RASA3: variants seen among roughly 807,000 people sequenced by gnomAD.
RASA3 encodes ras GTPase-activating protein 3.
RASA3 carries 73 observed loss-of-function variants against 110.0 expected under a neutral mutation model. The ratio of observed to expected loss-of-function variants is 0.66; its 90% CI spans 0.55 to 0.81. The LOEUF is 0.81. Among genes scored for constraint, RASA3 ranks in the 30% least tolerant of loss-of-function variants. The pLI is 0.00. For synonymous variants in RASA3, 500 were observed against 451.4 expected (o/e 1.11, Z -1.37); for missense variants, 976 against 1,113.2 (o/e 0.88, Z 1.75).
chr13:114,002,229 C>T lies in RASA3; in HGVS notation c.1743-1297G>A, dbSNP rs78719765. Among the ~76,000 whole-genome samples the T allele has an allele frequency of 5.8e-3, 883 of 152,288 alleles. 1 individual carries two copies. Among genetic ancestry groups the T allele is most frequent in the African/African-American group, 0.017 (701 of 41,552 alleles). ...CACCTCGACAAGCGCACTCAGAAATCGGAAAGAGGGGCTTTGAGCAGCAAC... is the reference window on the plus strand; with the variant it reads ...CACCTCGACAAGCGCACTCAGAAATTGGAAAGAGGGGCTTTGAGCAGCAAC... On this transcript the variant is annotated intron_variant, in intron 18 of 23. Coordinates refer to ENST00000334062, the MANE Select transcript of RASA3 (RefSeq NM_007368.4).
chr13:113,991,483 G>A (rs770353022), intron 22 of RASA3, among the ~76,000 whole-genome samples: 9 of 152,192 alleles, frequency 5.9e-5, no homozygotes, highest in African/African-American at 2.2e-4. Flanking sequence ...GAGCAGATCC[G>A]AGTTCTACCA....
intron 5 of RASA3, 135 bp from the exon 6 acceptor site, chr13:114,028,062 C>T (rs372769058): frequency 1.5e-6 from 1 of 686,628 alleles, no homozygotes; most frequent in Non-Finnish European, 2.5e-6. Context: ...CAGGGAGGGC[C>T]ACACCAGCCA....
chr13:114,120,696 T>C (rs895706953), intron 1 of RASA3, among the ~76,000 whole-genome samples: 12 of 152,206 alleles, frequency 7.9e-5, no homozygotes, highest in South Asian at 2.1e-4. Context: ...AGAAACTCCG[T>C]GTGACCCTGC....
intron 3 of RASA3, among the ~76,000 whole-genome samples, chr13:114,047,733 G>A (rs1295960029): frequency 6.6e-6 from 1 of 152,212 alleles, no homozygotes; most frequent in African/African-American, 2.4e-5. Context: ...GCTCACAGCC[G>A]CACAGCGCGG....
chr13:113,994,525 G>A (rs193121473), intron 21 of RASA3, among the ~76,000 whole-genome samples: 108 of 150,798 alleles, frequency 7.2e-4, no homozygotes, highest in Non-Finnish European at 1.4e-3. Context: ...TGGCCAGTCA[G>A]GGAGTTCATG....
chr13:114,116,704 G>T (rs1002466499), intron 1 of RASA3, among the ~76,000 whole-genome samples: 1 of 152,256 alleles, frequency 6.6e-6, no homozygotes, highest in Non-Finnish European at 1.5e-5. Context: ...GAGCCTGCAG[G>T]TTTGGAGAAT....
intron 1 of RASA3, among the ~76,000 whole-genome samples, chr13:114,099,324 G>A (rs1257661790): frequency 1.3e-5 from 2 of 152,042 alleles, no homozygotes; most frequent in African/African-American, 2.4e-5. Context: ...CTCCCTGCAT[G>A]GGGACACGCG....
chr13:114,130,943 G>T (rs181600995), intron 1 of RASA3, among the ~76,000 whole-genome samples: 2 of 152,258 alleles, frequency 1.3e-5, no homozygotes, highest in African/African-American at 4.8e-5. Context: ...CCCACGGGCC[G>T]CGACCTTTCC....
chr13:114,015,389 G>C, intron 13 of RASA3, 57 bp from the exon 14 acceptor site: 1 of 1,597,578 alleles, frequency 6.3e-7, no homozygotes, highest in Non-Finnish European at 8.5e-7. Context: ...GGTGCGTGTA[G>C]CACCAGGGCA....
intron 20 of RASA3, among the ~76,000 whole-genome samples, chr13:113,997,885 T>C (rs1594292255): frequency 6.6e-6 from 1 of 152,152 alleles, no homozygotes; most frequent in South Asian, 2.1e-4. Flanking sequence ...CCTCCCGCCT[T>C]GCACCCGGCA....
rs74116485 is a variant in RASA3, at chr13:114,110,621, G to A, written c.55+21814C>T. Among the ~76,000 whole-genome samples, 623 of 152,294 alleles carry A rather than the reference G, an allele frequency of 4.1e-3. 6 individuals carry two copies. Among genetic ancestry groups the A allele is most frequent in the Middle Eastern group, 0.024 (7 of 294 alleles). ...CAAAGCACTTCCCTCCCAGAGCCCC[G>A]TTTCCTCATCAGCAACAAACACAAC... is the stretch of plus-strand genomic sequence containing the variant. On this transcript the variant is annotated intron_variant, in intron 1 of 23. Coordinates refer to ENST00000334062, the MANE Select transcript of RASA3 (RefSeq NM_007368.4).
chr13:114,078,249 C>T (rs1001980044), intron 1 of RASA3, among the ~76,000 whole-genome samples: 4 of 152,220 alleles, frequency 2.6e-5, no homozygotes, highest in Admixed American at 2.0e-4. Context: ...TCTTCTCCAC[C>T]GCACCCCAAA....
At chr13:114,040,348 CAT>C (rs2054373629) in intron 4 of RASA3, among the ~76,000 whole-genome samples, 2 of 113,134 alleles carry the variant, frequency 1.8e-5, no homozygotes, top group East Asian at 2.7e-4. Flanking sequence ...ACCCAAAATC[CAT>C]GGCAGAGACC....
Position 114,016,289 on chromosome 13 carries a change from A to G in RASA3, c.1207-18T>C, listed in dbSNP as rs2053790342. ...TGGCATATCTGGGGAGAGGTTTAAG[A>G]CAGGGCTCTGTGAGTGGGTTCTGGG... On this transcript the variant is annotated intron_variant, in intron 12 of 23. Coordinates refer to ENST00000334062, the MANE Select transcript of RASA3 (RefSeq NM_007368.4). 2 of 1,553,660 alleles carry G rather than the reference A, an allele frequency of 1.3e-6. No individual in the cohort carries two copies. Among genetic ancestry groups the G allele is most frequent in the South Asian group, 1.1e-5 (1 of 89,830 alleles).
chr13:114,102,812 T>C (rs2080077138), intron 1 of RASA3, among the ~76,000 whole-genome samples: 1 of 152,166 alleles, frequency 6.6e-6, no homozygotes, highest in African/African-American at 2.4e-5. Flanking sequence ...GCAAAGCCTG[T>C]GGAGGCTGGA....
rs575192940 is a variant in RASA3, at chr13:114,024,606, C to T, written c.604-251G>A. 9.8e-5 allele frequency among the ~76,000 whole-genome samples: 15 copies of T among 152,364 alleles called. No homozygotes were observed. In the South Asian group the frequency reaches 3.1e-3, roughly 32 times the overall value. ...CCCCAAGGCTGTTCACGGCCACGGC[C>T]GGACTCTCCCAGTGGCTCCTGATGG... On this transcript the variant is annotated intron_variant, in intron 7 of 23. Coordinates refer to ENST00000334062, the MANE Select transcript of RASA3 (RefSeq NM_007368.4).
At chr13:114,029,429 A>G (rs1209874881) in intron 5 of RASA3, among the ~76,000 whole-genome samples, 4 of 27,876 alleles carry the variant, frequency 1.4e-4, no homozygotes, top group Non-Finnish European at 2.2e-4. Context: ...CTAAAACGGC[A>G]TCATCCTGGG....
intron 20 of RASA3, among the ~76,000 whole-genome samples, chr13:113,997,328 C>T (rs1359290173): frequency 2.0e-5 from 3 of 152,154 alleles, no homozygotes; most frequent in Non-Finnish European, 4.4e-5. Flanking sequence ...TCTCCTATGT[C>T]CCGGAGACAA....
intron 20 of RASA3, among the ~76,000 whole-genome samples, chr13:113,998,180 G>T (rs927739550): frequency 6.6e-6 from 1 of 152,174 alleles, no homozygotes; most frequent in Non-Finnish European, 1.5e-5. Context: ...TGCTTCCTTC[G>T]AGGGACGGTC....
Sources: gnomAD v4.1 joint callset for allele counts (sites outside exome capture counted in the v4.1 genomes callset) on GRCh38, gnomAD v4.1.1 for gene constraint, MANE v1.5 for transcripts, NCBI Gene and HGNC (gene_info 2026-07-23, HGNC 2026-07-21) for gene names.